MYL1: variants seen among roughly 807,000 people sequenced by gnomAD.
MYL1 encodes the protein myosin light chain 1/3, skeletal muscle isoform.
Under a neutral mutation model 21.8 loss-of-function variants are expected in MYL1, and 16 were observed. That is an observed-to-expected ratio of 0.74 (90% CI 0.50 to 1.12). MYL1 has a LOEUF of 1.12. Ranked by LOEUF, MYL1 falls within the 50% of genes most tolerant of loss-of-function variation. The pLI, the probability that MYL1 is intolerant of heterozygous loss-of-function variation, is 0.00. For synonymous variants in MYL1, 99 were observed against 85.2 expected (o/e 1.16, Z -0.89); for missense variants, 246 against 241.0 (o/e 1.02, Z -0.14).
chr2:210,299,537 A>G (rs1416673979), intron 2 of MYL1, among the ~76,000 whole-genome samples: 1 of 152,140 alleles, frequency 6.6e-6, no homozygotes, highest in African/African-American at 2.4e-5. Flanking sequence ...TTTTATGAAT[A>G]CATATTTTAA....
intron 1 of MYL1, among the ~76,000 whole-genome samples, chr2:210,311,075 T>TAACATGGCAAAG (rs1289551329): frequency 1.3e-5 from 2 of 152,064 alleles, no homozygotes; most frequent in Non-Finnish European, 2.9e-5. Flanking sequence ...TTAAATAAGA[T>TAACATGGCAAAG]AACATGGCAA....
intron 1 of MYL1, chr2:210,303,445 C>CTGGAGAA: frequency 8.8e-7 from 1 of 1,133,056 alleles, no homozygotes; most frequent in Non-Finnish European, 1.3e-6. Flanking sequence ...TATGTTCTCT[C>CTGGAGAA]CTCAGTTCCA....
chr2:210,313,118 C>T (rs760864473), intron 1 of MYL1, among the ~76,000 whole-genome samples: 13 of 151,934 alleles, frequency 8.6e-5, no homozygotes, highest in Non-Finnish European at 1.9e-4. Flanking sequence ...GATCTCTCAC[C>T]TGCCAAACAA....
At chr2:210,299,613 T>C (rs1690233284) in intron 2 of MYL1, among the ~76,000 whole-genome samples, 1 of 152,148 alleles carries the variant, frequency 6.6e-6, no homozygotes, top group Non-Finnish European at 1.5e-5. Flanking sequence ...CATTCTCTTT[T>C]GATAGAACTG....
intron 1 of MYL1, chr2:210,302,756 C>A: frequency 6.4e-7 from 1 of 1,566,134 alleles, no homozygotes; most frequent in Admixed American, 1.9e-5. Flanking sequence ...CAGACAAACT[C>A]AATTCACTTA....
At chr2:210,309,439 C>G (rs988577193) in intron 1 of MYL1, among the ~76,000 whole-genome samples, 4 of 152,014 alleles carry the variant, frequency 2.6e-5, no homozygotes, top group African/African-American at 9.7e-5. Flanking sequence ...TCTTCTCTGG[C>G]TTCACTTCAC....
chr2:210,305,878 T>A (rs182847874), intron 1 of MYL1, among the ~76,000 whole-genome samples: 2 of 151,168 alleles, frequency 1.3e-5, no homozygotes, highest in African/African-American at 4.9e-5. Context: ...CTGACCAATA[T>A]GGAGAAACCC....
intron 1 of MYL1, among the ~76,000 whole-genome samples, chr2:210,310,893 A>C (rs1428040228): frequency 6.6e-5 from 10 of 152,050 alleles, no homozygotes; most frequent in Admixed American, 6.6e-4. Context: ...TAAGGGTGGT[A>C]GTTTTGGATA....
chr2:210,310,746 T>C (rs1279409265), intron 1 of MYL1, among the ~76,000 whole-genome samples: 1 of 152,064 alleles, frequency 6.6e-6, no homozygotes, highest in Non-Finnish European at 1.5e-5. Flanking sequence ...GTGAACTTGC[T>C]CTGATGTGTC....
intron 1 of MYL1, among the ~76,000 whole-genome samples, chr2:210,314,536 A>G (rs1690460892): frequency 6.6e-6 from 1 of 152,228 alleles, no homozygotes; most frequent in Non-Finnish European, 1.5e-5. Context: ...TTTTGATGTA[A>G]TTTGTAAGTA....
At chr2:210,309,356 A>G (rs747178368) in intron 1 of MYL1, among the ~76,000 whole-genome samples, 2 of 152,052 alleles carry the variant, frequency 1.3e-5, no homozygotes, top group Non-Finnish European at 2.9e-5. Context: ...CGGGGCATTT[A>G]CTAGGTACTT....
At chr2:210,299,000 T>C (rs1017201627) in intron 2 of MYL1, among the ~76,000 whole-genome samples, 2 of 152,186 alleles carry the variant, frequency 1.3e-5, no homozygotes, top group Non-Finnish European at 2.9e-5. Context: ...TTTCAAATTA[T>C]GTAGAAAAAC....
At chr2:210,301,673 G>A (rs1690267212) in intron 2 of MYL1, among the ~76,000 whole-genome samples, 1 of 151,892 alleles carries the variant, frequency 6.6e-6, no homozygotes, top group Non-Finnish European at 1.5e-5. Context: ...ATTCCTCCCT[G>A]CACTTGCTAA....
chr2:210,309,468 A>G (rs1167737222), intron 1 of MYL1, among the ~76,000 whole-genome samples: 1 of 152,072 alleles, frequency 6.6e-6, no homozygotes, highest in African/African-American at 2.4e-5. Context: ...ATTTGTGACC[A>G]GAATAGCCAG....
chr2:210,293,528 T>G (rs1020559459), intron 5 of MYL1, among the ~76,000 whole-genome samples, 195 bp downstream of exon 5: 1 of 152,228 alleles, frequency 6.6e-6, no homozygotes, highest in African/African-American at 2.4e-5. Flanking sequence ...TTTAAAACAA[T>G]GCACAGTATT....
chr2:210,313,204 T>C (rs561533201), intron 1 of MYL1, among the ~76,000 whole-genome samples: 1 of 152,086 alleles, frequency 6.6e-6, no homozygotes, highest in East Asian at 1.9e-4. Context: ...GTTAGATACT[T>C]CATTTGCTTC....
chr2:210,293,726 C>T lies in MYL1; in HGVS notation c.553G>A (p.Glu185Lys), dbSNP rs767979740. 7 of 1,613,842 alleles carry T rather than the reference C, an allele frequency of 4.3e-6. No individual in the cohort carries two copies. Among genetic ancestry groups the T allele is most frequent in the South Asian group, 1.1e-5 (1 of 91,070 alleles). Residue 185 changes from glutamate (E) to lysine (K), a missense_variant, in exon 5 of 7, where the codon GAA (glutamate) becomes AAA (lysine). Physicochemically the swap from Glu to Lys is moderately conservative, Grantham distance 56. Transcript: ENST00000352451. Reference protein sequence around the residue: ...QEDSNGCINYEAFVKHIMSI With the variant: ...QEDSNGCINYKAFVKHIMSI ...CACCAGTGAGCATTGATTCTACCTT[C>T]GTAGTTGATGCAGCCATTGGAGTCT...
chr2:210,311,863 A>T (rs1690424266), intron 1 of MYL1, among the ~76,000 whole-genome samples: 2 of 151,992 alleles, frequency 1.3e-5, no homozygotes, highest in Non-Finnish European at 2.9e-5. Flanking sequence ...CACCAAGGAC[A>T]ATAACTTTAG....
chr2:210,295,690 G>C (rs1053034932), intron 3 of MYL1, among the ~76,000 whole-genome samples: 1 of 151,444 alleles, frequency 6.6e-6, no homozygotes, highest in African/African-American at 2.4e-5. Flanking sequence ...GGCTGGGTGT[G>C]GTGGCTCACG....
Sources: gnomAD v4.1 joint callset for allele counts (sites outside exome capture counted in the v4.1 genomes callset) on GRCh38, gnomAD v4.1.1 for gene constraint, MANE v1.5 for transcripts, NCBI Gene and HGNC (gene_info 2026-07-23, HGNC 2026-07-21) for gene names.